RHO: variants seen among roughly 807,000 people sequenced by gnomAD.
RHO encodes the protein rhodopsin.
RHO carries 21 observed loss-of-function variants against 31.2 expected under a neutral mutation model. The ratio of observed to expected loss-of-function variants is 0.67; its 90% CI spans 0.48 to 0.97. The LOEUF is 0.97. RHO is among the 50% of genes least tolerant of loss of function. The probability of loss-of-function intolerance (pLI) is 0.00; values close to 1 mark genes in which losing one functional copy is unlikely to be tolerated. For missense variants in RHO, 414 were observed against 479.5 expected (o/e 0.86, Z 1.28); for synonymous variants, 211 against 196.6 (o/e 1.07, Z -0.61).
chr3:129,532,226 G>C lies in RHO; in HGVS notation c.531-25G>C. Reference sequence around the variant, plus strand: ...CTGTTCCCAAGTCCCTCACAGGCAGGGTCTCCCTACCTGCCTGTCCTCAGG... The same window carrying C: ...CTGTTCCCAAGTCCCTCACAGGCAGCGTCTCCCTACCTGCCTGTCCTCAGG... On this transcript the variant is annotated intron_variant, in intron 2 of 4. Coordinates refer to ENST00000296271, the MANE Select transcript of RHO (RefSeq NM_000539.3). This position sits in a 1 kb window ranked among gnomAD's most constrained non-coding sequence, Gnocchi z 5.5. 6.2e-7 allele frequency: 1 copy of C among 1,612,014 alleles called. No homozygotes were observed. The highest frequency in any genetic ancestry group is 1.3e-5 in the African/African-American group (1 of 74,964).
intron 1 of RHO, among the ~76,000 whole-genome samples, chr3:129,530,319 T>C (rs1219612108): frequency 6.6e-6 from 1 of 152,106 alleles, no homozygotes; most frequent in Admixed American, 6.5e-5. Flanking sequence ...ATCATTTCCT[T>C]CTTCTTCCTC....
chr3:129,530,931 G>A lies in RHO; in HGVS notation c.417G>A (p.Val139=), dbSNP rs1578279658. The A allele has an allele frequency of 2.5e-6, 4 of 1,614,266 alleles. No individual in the cohort carries two copies. Among genetic ancestry groups the A allele is most frequent in the Admixed American group, 1.7e-5 (1 of 60,032 alleles). ...TGGCCATCGAGCGGTACGTGGTGGT[G>A]TGTAAGCCCATGAGCAACTTCCGCT... The part of the protein sequence containing the change: ...VVLAIERYVV[V]CKPMSNFRFG... The change falls in exon 2 of 5, where the codon GTG becomes GTA. Residue 139 remains valine, a synonymous_variant. Coordinates refer to ENST00000296271, the MANE Select transcript of RHO (RefSeq NM_000539.3).
chr3:129,530,612 T>C (rs377157554), intron 1 of RHO, among the ~76,000 whole-genome samples: 6 of 151,024 alleles, frequency 4.0e-5, no homozygotes, highest in African/African-American at 1.5e-4. Context: ...CCCCCTGATC[T>C]GATTCGTGTC....
chr3:129,532,361 T>C lies in RHO; in HGVS notation c.641T>C (p.Ile214Thr). ...TACATGTTCGTGGTCCACTTCACCATCCCCATGATTATCATCTTTTTCTGC... is the reference window on the plus strand; with the variant it reads ...TACATGTTCGTGGTCCACTTCACCACCCCCATGATTATCATCTTTTTCTGC... Reference protein sequence around the residue: ...VIYMFVVHFTIPMIIIFFCYG... With the variant: ...VIYMFVVHFTTPMIIIFFCYG... Residue 214 changes from isoleucine to threonine, a missense_variant, in exon 3 of 5, where the codon ATC becomes ACC. Coordinates refer to ENST00000296271, the MANE Select transcript of RHO (RefSeq NM_000539.3). The surrounding 1 kb of genome is among the most constrained non-coding windows in gnomAD (Gnocchi z 5.5). 6.2e-7 allele frequency: 1 copy of C among 1,613,700 alleles called. No homozygotes were observed. Among genetic ancestry groups the C allele is most frequent in the Non-Finnish European group, 8.5e-7 (1 of 1,179,970 alleles).
rs867005068 is a variant in RHO, at chr3:129,533,722, C to G, written c.*4C>G. ...GAGCCAGGTGGCCCCGGCCTAAGAC[C>G]TGCCTAGGACTCTGTGGCCGACTAT... On this transcript the variant is annotated 3_prime_UTR_variant, in exon 5 of 5. Transcript: ENST00000296271. The G allele has an allele frequency of 1.3e-6, 2 of 1,598,784 alleles. No homozygotes were observed. Among genetic ancestry groups the G allele is most frequent in the Non-Finnish European group, 1.7e-6 (2 of 1,166,168 alleles).
rs559747229 is a variant in RHO, at chr3:129,533,691, G to A, written c.1020G>A (p.Thr340=). The part of the protein sequence containing the change: ...DDEASATVSK[T]ETSQVAPA ...AGGCCTCTGCTACCGTGTCCAAGAC[G>A]GAGACGAGCCAGGTGGCCCCGGCCT... Residue 340 remains threonine (T), a synonymous_variant, in exon 5 of 5, where the codon ACG becomes ACA. Transcript: ENST00000296271. The A allele has an allele frequency of 4.5e-5, 73 of 1,614,008 alleles. No homozygotes were observed. The East Asian group carries it at 6.0e-4, about 13-fold the overall frequency.
chr3:129,530,819 A>G (rs2084774316), intron 1 of RHO, 57 bp from the exon 2 acceptor site: 9 of 1,601,098 alleles, frequency 5.6e-6, no homozygotes, highest in East Asian at 2.2e-5. Context: ...TCTAGGGGGG[A>G]GTGCACCCTC....
intron 2 of RHO, 106 bp downstream of exon 2, chr3:129,531,150 G>C: frequency 2.2e-6 from 3 of 1,355,268 alleles, no homozygotes; most frequent in Non-Finnish European, 2.1e-6. Flanking sequence ...GACCTTGTAT[G>C]TCTCCTGGCC....
intron 1 of RHO, among the ~76,000 whole-genome samples, chr3:129,530,473 C>G (rs2084770102): frequency 6.8e-6 from 1 of 147,364 alleles, no homozygotes; most frequent in Non-Finnish European, 1.5e-5. Flanking sequence ...CAACAAGGAA[C>G]TCTGCCCCAC....
At chr3:129,530,811 T>A (rs1025132463) in intron 1 of RHO, 65 bp from the exon 2 acceptor site, 1 of 1,602,338 alleles carries the variant, frequency 6.2e-7, no homozygotes. Context: ...TCTCCCTGTC[T>A]AGGGGGGAGT....
At position 129,532,867 on chromosome 3, in the gene RHO, T is replaced by G. The variant is rs909258142; in HGVS notation, c.936+95T>G. 2.0e-6 allele frequency: 3 copies of G among 1,533,066 alleles called. No homozygotes were observed. The African/African-American group carries it at 4.1e-5, about 21-fold the overall frequency. 95.0% of individuals were successfully genotyped at this position (1,533,066 alleles called of 1,614,324 possible). The stretch of plus-strand genomic sequence containing the variant: ...TCCCAGGGCAGGGGAGGGGGCTCCA[T>G]CAGGGTTACTGGCAGCAGTCTTGGG... On this transcript the variant is annotated intron_variant, in intron 4 of 4. Coordinates refer to ENST00000296271, the MANE Select transcript of RHO (RefSeq NM_000539.3). The surrounding 1 kb of genome is among the most constrained non-coding windows in gnomAD (Gnocchi z 5.5).
Position 129,532,640 on chromosome 3 carries a change from C to T in RHO, c.804C>T (p.Tyr268=), listed in dbSNP as rs200826498. The T allele has an allele frequency of 3.7e-5, 59 of 1,614,242 alleles. No individual in the cohort carries two copies. The highest frequency in any genetic ancestry group is 2.0e-4 in the South Asian group (18 of 91,092). ...CTTTCCTGATCTGCTGGGTGCCCTACGCCAGCGTGGCATTCTACATCTTCA... is the reference window on the plus strand; with the variant it reads ...CTTTCCTGATCTGCTGGGTGCCCTATGCCAGCGTGGCATTCTACATCTTCA... ...VIAFLICWVP[Y]ASVAFYIFTH... The change falls in exon 4 of 5, where the codon TAC becomes TAT. Residue 268 remains tyrosine (Y), a synonymous_variant. Coordinates refer to ENST00000296271, the MANE Select transcript of RHO (RefSeq NM_000539.3). This position sits in a 1 kb window ranked among gnomAD's most constrained non-coding sequence, Gnocchi z 5.5.
Position 129,528,845 on chromosome 3 carries a change from T to C in RHO, c.112T>C (p.Ser38Pro). 1 of 1,614,244 alleles carries C rather than the reference T, an allele frequency of 6.2e-7. No homozygotes were observed. Among genetic ancestry groups the C allele is most frequent in the Non-Finnish European group, 8.5e-7 (1 of 1,180,052 alleles). The change falls in exon 1 of 5, where the codon TCC (serine) becomes CCC (proline). Residue 38 changes from serine to proline, a missense_variant. Ser to Pro is a moderately conservative substitution (Grantham distance 74, BLOSUM62 -1). Coordinates refer to ENST00000296271, the MANE Select transcript of RHO (RefSeq NM_000539.3). ...QYYLAEPWQF[S>P]MLAAYMFLLI... ...CTACCTGGCTGAGCCATGGCAGTTC[T>C]CCATGCTGGCCGCCTACATGTTTCT...
chr3:129,532,339 A>G lies in RHO; in HGVS notation c.619A>G (p.Met207Val), dbSNP rs746029882. The G allele has an allele frequency of 8.1e-6, 13 of 1,613,466 alleles. No individual in the cohort carries two copies. The highest frequency in any genetic ancestry group is 1.1e-5 in the Non-Finnish European group (13 of 1,179,918). The change falls in exon 3 of 5, where the codon ATG becomes GTG. Residue 207 changes from methionine (M) to valine (V), a missense_variant. By Grantham distance (21) the Met-to-Val change is conservative (BLOSUM62 1). Transcript: ENST00000296271. The surrounding 1 kb of genome is among the most constrained non-coding windows in gnomAD (Gnocchi z 5.5). Reference protein sequence around the residue: ...EVNNESFVIYMFVVHFTIPMI... With the variant: ...EVNNESFVIYVFVVHFTIPMI... ...CAACAACGAGTCTTTTGTCATCTAC[A>G]TGTTCGTGGTCCACTTCACCATCCC...
chr3:129,535,222 G>C lies in RHO; in HGVS notation c.*1504G>C, dbSNP rs893362885. Reference sequence around the variant, plus strand: ...TCTATCCACAGGATAGATTGAAACTGCCAGCTTCCACCTGATCCCTGACCC... The same window carrying C: ...TCTATCCACAGGATAGATTGAAACTCCCAGCTTCCACCTGATCCCTGACCC... On this transcript the variant is annotated 3_prime_UTR_variant, in exon 5 of 5. Coordinates refer to ENST00000296271, the MANE Select transcript of RHO (RefSeq NM_000539.3). 2.0e-5 allele frequency: 3 copies of C among 152,634 alleles called. No individual in the cohort carries two copies. Among genetic ancestry groups the C allele is most frequent in the African/African-American group, 7.2e-5 (3 of 41,428 alleles). 9.5% of individuals were successfully genotyped at this position (152,634 alleles called of 1,614,324 possible). A position where few individuals can be genotyped will look rare whatever the true frequency, so the allele number is the denominator to read the frequency against.
intron 1 of RHO, 33 bp from the exon 2 acceptor site, chr3:129,530,843 G>C: frequency 6.2e-7 from 1 of 1,614,134 alleles, no homozygotes; most frequent in South Asian, 1.1e-5. Flanking sequence ...AGGCAGTGGG[G>C]TCTGTGCTGA....
In RHO at chr3:129,528,834, C is replaced by T. The variant is rs2108749194; in HGVS notation, c.101C>T (p.Pro34Leu). Residue 34 changes from proline (P) to leucine (L), a missense_variant, in exon 1 of 5, where the codon CCA (proline) becomes CTA (leucine). Coordinates refer to ENST00000296271, the MANE Select transcript of RHO (RefSeq NM_000539.3). ...FEYPQYYLAE[P>L]WQFSMLAAYM... is the part of the protein sequence containing the mutation. Reference sequence around the variant, plus strand: ...TACCCACAGTACTACCTGGCTGAGCCATGGCAGTTCTCCATGCTGGCCGCC... The same window carrying T: ...TACCCACAGTACTACCTGGCTGAGCTATGGCAGTTCTCCATGCTGGCCGCC... 6.2e-7 allele frequency: 1 copy of T among 1,614,258 alleles called. No individual in the cohort carries two copies. The highest frequency in any genetic ancestry group is 1.7e-5 in the Admixed American group (1 of 60,028).
rs766344345 is a variant in RHO, at chr3:129,528,841, G to C, written c.108G>C (p.Gln36His). 1 of 1,614,240 alleles carries C rather than the reference G, an allele frequency of 6.2e-7. No individual in the cohort carries two copies. The highest frequency in any genetic ancestry group is 1.1e-5 in the South Asian group (1 of 91,088). ...AGTACTACCTGGCTGAGCCATGGCA[G>C]TTCTCCATGCTGGCCGCCTACATGT... The part of the protein sequence containing the change: ...YPQYYLAEPW[Q>H]FSMLAAYMFL... The change falls in exon 1 of 5, where the codon CAG (glutamine) becomes CAC (histidine). Residue 36 changes from glutamine (Q) to histidine (H), a missense_variant. By Grantham distance (24) the Gln-to-His change is conservative. Coordinates refer to ENST00000296271, the MANE Select transcript of RHO (RefSeq NM_000539.3).
In RHO at chr3:129,532,314, CA is replaced by C; in HGVS notation, c.596del (p.Asn199ThrfsTer18). The C allele has an allele frequency of 1.2e-6, 2 of 1,614,030 alleles. No homozygotes were observed. The highest frequency in any genetic ancestry group is 1.7e-6 in the Non-Finnish European group (2 of 1,179,968). Reference protein sequence around the residue: ...IDYYTLKPEVNNESFVIYMFV... With the variant: ...IDYYTLKPEVXNESFVIYMFV... ...ACTACTACACGCTCAAGCCGGAGGT[CA>C]ACAACGAGTCTTTTGTCATCTACAT... On this transcript the variant is annotated frameshift_variant, in exon 3 of 5. Transcript: ENST00000296271. LOFTEE classifies it high-confidence loss of function. This position sits in a 1 kb window ranked among gnomAD's most constrained non-coding sequence, Gnocchi z 5.5.
Sources: gnomAD v4.1 joint callset for allele counts (sites outside exome capture counted in the v4.1 genomes callset) on GRCh38, gnomAD v4.1.1 for gene constraint, Gnocchi (gnomAD v3.1) non-coding constraint, MANE v1.5 for transcripts, NCBI Gene and HGNC (gene_info 2026-07-23, HGNC 2026-07-21) for gene names.